Variants in VAV3 observed in about 807,000 individuals in gnomAD.
VAV3 encodes guanine nucleotide exchange factor VAV3.
In VAV3, 94 loss-of-function variants were observed where a neutral mutation model predicts 131.2. That is an observed-to-expected ratio of 0.72 (90% CI 0.61 to 0.85). The LOEUF is 0.85. Ranked by LOEUF, VAV3 falls within the 40% of genes least tolerant of loss-of-function variation. The pLI, the probability that VAV3 is intolerant of heterozygous loss-of-function variation, is 0.00. For missense variants in VAV3, 939 were observed against 1,002.7 expected, an observed-to-expected ratio of 0.94 and a Z score of 0.86; for synonymous variants, 349 against 342.0, an observed-to-expected ratio of 1.02 and a Z score of -0.22.
intron 15 of VAV3, among the ~76,000 whole-genome samples, chr1:107,745,780 A>G (rs1663304878): frequency 6.6e-6 from 1 of 152,242 alleles, no homozygotes; most frequent in Non-Finnish European, 1.5e-5. Context: ...CATCTTCTGT[A>G]AATAGAAATG....
intron 2 of VAV3, among the ~76,000 whole-genome samples, chr1:107,796,374 A>G (rs1666545532): frequency 6.6e-6 from 1 of 152,068 alleles, no homozygotes; most frequent in African/African-American, 2.4e-5. Flanking sequence ...AACCAGTCTC[A>G]TTGGTTATTT....
At chr1:107,770,594 T>C (rs779454315) in intron 6 of VAV3, 42 bp downstream of exon 6, 1 of 1,220,398 alleles carries the variant, frequency 8.2e-7, no homozygotes, top group South Asian at 1.2e-5. Context: ...TTAACTATAT[T>C]AGGCAGTATT....
chr1:107,707,293 G>A (rs1342811314), intron 15 of VAV3, among the ~76,000 whole-genome samples: 1 of 152,184 alleles, frequency 6.6e-6, no homozygotes, highest in African/African-American at 2.4e-5. Flanking sequence ...AAAAGCATAG[G>A]TAAGGACAGG....
chr1:107,635,439 G>C (rs1289714433), intron 20 of VAV3, among the ~76,000 whole-genome samples: 1 of 126,684 alleles, frequency 7.9e-6, no homozygotes, highest in Non-Finnish European at 1.6e-5. Flanking sequence ...ATGGACACAG[G>C]AAGGGGAACA....
intron 2 of VAV3, among the ~76,000 whole-genome samples, chr1:107,872,192 T>A (rs1228897337): frequency 6.6e-6 from 1 of 152,092 alleles, no homozygotes; most frequent in African/African-American, 2.4e-5. Context: ...AGAATCACTA[T>A]CCAAGCACCT....
At chr1:107,922,415 A>G (rs1187198594) in intron 1 of VAV3, among the ~76,000 whole-genome samples, 1 of 152,212 alleles carries the variant, frequency 6.6e-6, no homozygotes, top group Non-Finnish European at 1.5e-5. Context: ...CAATATCCTG[A>G]GTACACTGTG....
In VAV3 at chr1:107,867,621, T is replaced by C. The variant is rs143738676; in HGVS notation, c.321+7280A>G. The stretch of plus-strand genomic sequence containing the variant: ...CTATCTTTGTTCAGGGAGGAATCAC[T>C]GCAGAGCTCCCCCTTAGTTATGTAA... On this transcript the variant is annotated intron_variant, in intron 2 of 26. Coordinates refer to ENST00000370056, the MANE Select transcript of VAV3 (RefSeq NM_006113.5). 6.5e-3 allele frequency among the ~76,000 whole-genome samples: 989 copies of C among 152,300 alleles called. 7 individuals carry two copies. The highest frequency in any genetic ancestry group is 0.021 in the African/African-American group (862 of 41,570).
At chr1:107,863,746 T>C (rs1669853813) in intron 2 of VAV3, among the ~76,000 whole-genome samples, 1 of 151,840 alleles carries the variant, frequency 6.6e-6, no homozygotes, top group Admixed American at 6.6e-5. Flanking sequence ...GGAAATAGAG[T>C]TTTTTTAAAA....
intron 19 of VAV3, among the ~76,000 whole-genome samples, chr1:107,652,206 A>T (rs1320677549): frequency 6.6e-6 from 1 of 152,138 alleles, no homozygotes; most frequent in African/African-American, 2.4e-5. Flanking sequence ...TGGCCACGGG[A>T]GTGACCTCTC....
chr1:107,603,679 T>C (rs1652039488), intron 22 of VAV3, among the ~76,000 whole-genome samples: 1 of 152,198 alleles, frequency 6.6e-6, no homozygotes, highest in South Asian at 2.1e-4. Context: ...AAGCAATTAG[T>C]AATAATGAGT....
At chr1:107,924,307 T>C (rs1673048370) in intron 1 of VAV3, among the ~76,000 whole-genome samples, 1 of 151,824 alleles carries the variant, frequency 6.6e-6, no homozygotes, top group South Asian at 2.1e-4. Flanking sequence ...TCAATTGTTA[T>C]AAATTGTTTC....
chr1:107,650,209 C>T (rs1290871247), intron 19 of VAV3, among the ~76,000 whole-genome samples: 1 of 152,084 alleles, frequency 6.6e-6, no homozygotes, highest in Non-Finnish European at 1.5e-5. Flanking sequence ...TGATAATAGG[C>T]AGTCTTGAGG....
chr1:107,688,305 A>G (rs1659177199), intron 18 of VAV3, 76 bp downstream of exon 18: 1 of 1,531,324 alleles, frequency 6.5e-7, no homozygotes, highest in Non-Finnish European at 8.9e-7. Context: ...AACAGTGTAA[A>G]AGCCCAAGCC....
chr1:107,606,405 T>C (rs1206386338), intron 22 of VAV3, among the ~76,000 whole-genome samples: 1 of 152,182 alleles, frequency 6.6e-6, no homozygotes, highest in African/African-American at 2.4e-5. Flanking sequence ...CAAAATTTCG[T>C]GATAATGTGT....
In VAV3 at chr1:107,731,874, C is replaced by G. The variant is rs1036027122; in HGVS notation, c.1502+17094G>C. On this transcript the variant is annotated intron_variant, in intron 15 of 26. Coordinates refer to ENST00000370056, the MANE Select transcript of VAV3 (RefSeq NM_006113.5). ...ATTTTGACCATTATGAAAAGGTATT[C>G]AGAATCGATGGGAAAAAACAACTAT... Among the ~76,000 whole-genome samples the G allele has an allele frequency of 7.0e-4, 107 of 152,144 alleles. 1 individual carries two copies. Among genetic ancestry groups the G allele is most frequent in the African/African-American group, 2.5e-3 (104 of 41,430 alleles).
chr1:107,937,413 T>C (rs966711576), intron 1 of VAV3, among the ~76,000 whole-genome samples: 1 of 152,232 alleles, frequency 6.6e-6, no homozygotes, highest in Admixed American at 6.5e-5. Context: ...CATCTCTGCC[T>C]GCCAAATACC....
chr1:107,952,468 T>TTTATATATATATATATATATA (rs1553235441), intron 1 of VAV3, among the ~76,000 whole-genome samples: 18 of 118,968 alleles, frequency 1.5e-4, no homozygotes, highest in African/African-American at 5.0e-4. Flanking sequence ...TAACAAAACT[T>TTTATATATATATATATATATA]TATATATATA....
At chr1:107,815,142 T>A (rs1416183420) in intron 2 of VAV3, among the ~76,000 whole-genome samples, 1 of 152,214 alleles carries the variant, frequency 6.6e-6, no homozygotes, top group Non-Finnish European at 1.5e-5. Flanking sequence ...CTGCTGTGTA[T>A]CTGAATCACC....
chr1:107,634,275 G>A (rs1654734024), intron 20 of VAV3, among the ~76,000 whole-genome samples: 1 of 152,034 alleles, frequency 6.6e-6, no homozygotes, highest in African/African-American at 2.4e-5. Flanking sequence ...AAAACAGTGA[G>A]ATAGACCAAT....
Sources: gnomAD v4.1 joint callset for allele counts (sites outside exome capture counted in the v4.1 genomes callset) on GRCh38, gnomAD v4.1.1 for gene constraint, MANE v1.5 for transcripts, NCBI Gene and HGNC (gene_info 2026-07-23, HGNC 2026-07-21) for gene names.